The following WDR11 variants were observed in gnomAD, a reference collection of about 807,000 sequenced individuals.
WDR11 encodes WD repeat-containing protein 11.
In WDR11, 83 loss-of-function variants were observed where a neutral mutation model predicts 151.2. The observed-to-expected ratio is 0.55, with a 90% CI of 0.46 to 0.66. WDR11 has a LOEUF of 0.66. Ranked by LOEUF, WDR11 falls within the 30% of genes least tolerant of loss-of-function variation. The probability of loss-of-function intolerance (pLI) is 0.00; values close to 1 mark genes in which losing one functional copy is unlikely to be tolerated. For synonymous variants in WDR11, 484 were observed against 533.1 expected (o/e 0.91, Z 1.27); for missense variants, 1,301 against 1,480.9 (o/e 0.88, Z 1.99).
intron 1 of WDR11, chr10:120,851,964 C>T (rs1845791510): frequency 4.3e-6 from 1 of 235,026 alleles, no homozygotes; most frequent in Non-Finnish European, 8.4e-6. Flanking sequence ...CACCTCTTTT[C>T]GGGCTCCTCC....
Position 120,866,417 on chromosome 10 carries a change from T to TTA in WDR11, c.995-151_995-150dup, listed in dbSNP as rs1247216786. On this transcript the variant is annotated intron_variant, in intron 7 of 28. Transcript: ENST00000263461. The stretch of plus-strand genomic sequence containing the variant: ...TAAGTAAATTATATTTGGAAAAAAT[T>TTA]TAGTAGTAATTGTAAAAAGTGAAGC... 5 of 788,678 alleles carry TTA rather than the reference T, an allele frequency of 6.3e-6. No individual in the cohort carries two copies. The African/African-American group carries it at 8.7e-5, about 14-fold the overall frequency. 48.9% of individuals were successfully genotyped at this position (788,678 alleles called of 1,614,324 possible).
Position 120,908,856 on chromosome 10 carries a change from CCAAAAGCA to C in WDR11, c.*146_*153del. The C allele has an allele frequency of 2.3e-6, 2 of 855,416 alleles. No individual in the cohort carries two copies. The highest frequency in any genetic ancestry group is 3.8e-6 in the Non-Finnish European group (2 of 521,586). The allele number at this position is 855,416 out of a possible 1,614,324, so 53.0% of individuals were successfully genotyped here. On this transcript the variant is annotated 3_prime_UTR_variant, in exon 29 of 29. Coordinates refer to ENST00000263461, the MANE Select transcript of WDR11 (RefSeq NM_018117.12). ...ACCACTGTTCTAAGACTATGTGTGC[CCAAAAGCA>C]CATAAGCATCTATGTTGAGAGTAAG...
At position 120,871,021 on chromosome 10, in the gene WDR11, G is replaced by T. The variant is rs180930515; in HGVS notation, c.1295-149G>T. The T allele has an allele frequency of 9.1e-4, 707 of 776,072 alleles. 7 individuals are homozygous for T. Among genetic ancestry groups the T allele is most frequent in the South Asian group, 5.4e-3 (305 of 56,324 alleles). The allele number at this position is 776,072 out of a possible 1,614,324, so 48.1% of individuals were successfully genotyped here. A position where few individuals can be genotyped will look rare whatever the true frequency, so the allele number is the denominator to read the frequency against. On this transcript the variant is annotated intron_variant, in intron 9 of 28. Transcript: ENST00000263461. ...TCCTATAGCCAGGTACAGAGTCATTGTGTCCTTAATAACTACAGCCACTAA... is the reference window on the plus strand; with the variant it reads ...TCCTATAGCCAGGTACAGAGTCATTTTGTCCTTAATAACTACAGCCACTAA...
In WDR11 at chr10:120,908,427, C is replaced by T. The variant is rs78898484; in HGVS notation, c.3518-129C>T. ...TCTCCTGTGTTCATCCTGTGCTGCCCGCTGTGGACACCAGGTCCCTTCCGA... is the reference window on the plus strand; with the variant it reads ...TCTCCTGTGTTCATCCTGTGCTGCCTGCTGTGGACACCAGGTCCCTTCCGA... On this transcript the variant is annotated intron_variant, in intron 28 of 28. Transcript: ENST00000263461. 12,936 of 945,868 alleles carry T rather than the reference C, an allele frequency of 0.014. 152 individuals carry two copies. The highest frequency in any genetic ancestry group is 0.039 in the East Asian group (1,629 of 41,262). 58.6% of individuals were successfully genotyped at this position (945,868 alleles called of 1,614,324 possible). A position where few individuals can be genotyped will look rare whatever the true frequency, so the allele number is the denominator to read the frequency against.
In WDR11 at chr10:120,851,367, G is replaced by A; in HGVS notation, c.-54G>A. ...ACTCTGTTTGGAACGGAAGCACAGT[G>A]TCCGCCGCTTCCTGGTTGCGGGTCA... On this transcript the variant is annotated 5_prime_UTR_variant, in exon 1 of 29. Coordinates refer to ENST00000263461, the MANE Select transcript of WDR11 (RefSeq NM_018117.12). The A allele has an allele frequency of 6.6e-7, 1 of 1,526,542 alleles. No homozygotes were observed. The highest frequency in any genetic ancestry group is 8.9e-7 in the Non-Finnish European group (1 of 1,118,012). 94.6% of individuals were successfully genotyped at this position (1,526,542 alleles called of 1,614,324 possible). A position where few individuals can be genotyped will look rare whatever the true frequency, so the allele number is the denominator to read the frequency against.
intron 4 of WDR11, among the ~76,000 whole-genome samples, chr10:120,861,149 G>A (rs1846122671): frequency 6.6e-6 from 1 of 152,178 alleles, no homozygotes; most frequent in African/African-American, 2.4e-5. Flanking sequence ...AAGGAGGTAA[G>A]GGAATTAGCT....
At chr10:120,884,667 G>A (rs1402544254) in intron 14 of WDR11, among the ~76,000 whole-genome samples, 2 of 150,594 alleles carry the variant, frequency 1.3e-5, no homozygotes, top group African/African-American at 4.9e-5. Flanking sequence ...GTTTGATGAA[G>A]ATGTCAAAGT....
Position 120,864,502 on chromosome 10 carries a change from A to G in WDR11, c.714-545A>G, listed in dbSNP as rs1349505891. ...TTCACCTGTTTTATTTACACACAAG[A>G]AAATGCTGCAATATAAGTGAAACTT... On this transcript the variant is annotated intron_variant, in intron 5 of 28. Coordinates refer to ENST00000263461, the MANE Select transcript of WDR11 (RefSeq NM_018117.12). 3.3e-5 allele frequency among the ~76,000 whole-genome samples: 5 copies of G among 152,312 alleles called. No homozygotes were observed. The East Asian group carries it at 7.7e-4, about 24-fold the overall frequency.
chr10:120,900,543 A>C (rs964440977), intron 20 of WDR11, among the ~76,000 whole-genome samples: 2 of 152,240 alleles, frequency 1.3e-5, no homozygotes, highest in Non-Finnish European at 2.9e-5. Flanking sequence ...TTGCAAAAAA[A>C]TATTCACAGA....
Position 120,897,301 on chromosome 10 carries a change from C to A in WDR11, c.2516-2728C>A, listed in dbSNP as rs555993212. 2.0e-5 allele frequency among the ~76,000 whole-genome samples: 3 copies of A among 152,108 alleles called. No individual in the cohort carries two copies. In the South Asian group the frequency reaches 6.2e-4, roughly 32 times the overall value. On this transcript the variant is annotated intron_variant, in intron 19 of 28. Coordinates refer to ENST00000263461, the MANE Select transcript of WDR11 (RefSeq NM_018117.12). ...GATTAGAAAATCACCACTTTGCAGCCCCGATACAATAATTAATTGTATACA... is the reference window on the plus strand; with the variant it reads ...GATTAGAAAATCACCACTTTGCAGCACCGATACAATAATTAATTGTATACA...
rs760251439 is a variant in WDR11, at chr10:120,858,753, A to ATCCT, written c.309_310insTCCT (p.Val104SerfsTer6). The ATCCT allele has an allele frequency of 1.2e-6, 2 of 1,614,200 alleles. No homozygotes were observed. The highest frequency in any genetic ancestry group is 1.7e-6 in the Non-Finnish European group (2 of 1,180,038). ...TCATCGTCTGGGATGTAGCAGCAGGAGTAGCTCAGTGTGAGATCCAAGAGC... is the reference window on the plus strand; with the variant it reads ...TCATCGTCTGGGATGTAGCAGCAGGATCCTGTAGCTCAGTGTGAGATCCAAGAGC... On this transcript the variant is annotated frameshift_variant, in exon 3 of 29. Coordinates refer to ENST00000263461, the MANE Select transcript of WDR11 (RefSeq NM_018117.12). LOFTEE classifies it high-confidence loss of function.
chr10:120,904,488 G>A (rs972920363), intron 24 of WDR11, among the ~76,000 whole-genome samples, 158 bp from the exon 25 acceptor site: 6 of 152,172 alleles, frequency 3.9e-5, no homozygotes, highest in Non-Finnish European at 8.8e-5. Context: ...CAAAAAAGTA[G>A]TGTAGCACCT....
intron 1 of WDR11, chr10:120,851,816 C>G: frequency 2.0e-6 from 1 of 489,644 alleles, no homozygotes. Flanking sequence ...TTCCAGGCTT[C>G]TCTCTCTCCA....
chr10:120,902,406 T>C, intron 22 of WDR11, 84 bp downstream of exon 22: 1 of 1,186,838 alleles, frequency 8.4e-7, no homozygotes, highest in East Asian at 2.4e-5. Flanking sequence ...TAGAAACACT[T>C]AGATTTTAGA....
intron 27 of WDR11, 147 bp from the exon 28 acceptor site, chr10:120,906,629 A>AAACT: frequency 4.6e-6 from 7 of 1,513,404 alleles, no homozygotes; most frequent in Non-Finnish European, 6.2e-6. Flanking sequence ...TTTTTTCAAC[A>AAACT]AACTAGGGCT....
At position 120,903,136 on chromosome 10, in the gene WDR11, C is replaced by T; in HGVS notation, c.2835C>T (p.Ala945=). 6.2e-7 allele frequency: 1 copy of T among 1,614,162 alleles called. No individual in the cohort carries two copies. The highest frequency in any genetic ancestry group is 8.5e-7 in the Non-Finnish European group (1 of 1,180,028). The change falls in exon 23 of 29, where the codon GCC becomes GCT. Residue 945 remains alanine (A), a synonymous_variant. Transcript: ENST00000263461. ...ACAGCTTATCCCAGGAAAAGTCAGC[C>T]AGCACAACAGCTCCTAAAGAAGCTG... is the stretch of plus-strand genomic sequence containing the variant. ...YLHSLSQEKS[A]STTAPKEAAP... is the part of the protein sequence containing the mutation.
rs1848055125 is a variant in WDR11 at position 120,906,556 on chromosome 10, AC to A, written c.3438-219del. 2.1e-6 allele frequency: 3 copies of A among 1,405,638 alleles called. No individual in the cohort carries two copies. In the Admixed American group the frequency reaches 8.6e-5, roughly 40 times the overall value. The allele number at this position is 1,405,638 out of a possible 1,614,324, so 87.1% of individuals were successfully genotyped here. A position where few individuals can be genotyped will look rare whatever the true frequency, so the allele number is the denominator to read the frequency against. On this transcript the variant is annotated intron_variant, in intron 27 of 28. Transcript: ENST00000263461. Reference sequence around the variant, plus strand: ...GATTTTTGTGTATTTAAACTATTTCACAATTTTTTAAAGTATTAATTTTAAA... The same window carrying A: ...GATTTTTGTGTATTTAAACTATTTCAAATTTTTTAAAGTATTAATTTTAAA...
intron 16 of WDR11, among the ~76,000 whole-genome samples, chr10:120,888,694 T>A (rs925592237): frequency 2.0e-5 from 3 of 152,242 alleles, no homozygotes; most frequent in Non-Finnish European, 4.4e-5. Context: ...TAAGTTTCCC[T>A]TGGAATGGAT....
At chr10:120,892,258 G>A (rs369143345) in intron 19 of WDR11, among the ~76,000 whole-genome samples, 9 of 152,130 alleles carry the variant, frequency 5.9e-5, no homozygotes, top group African/African-American at 2.2e-4. Context: ...TCTGGCCTGT[G>A]GCCAGATTTT....
Sources: allele counts gnomAD v4.1 joint callset (sites outside exome capture counted in the v4.1 genomes callset), GRCh38; gene constraint gnomAD v4.1.1; transcripts MANE v1.5; gene names NCBI Gene and HGNC (gene_info 2026-07-23, HGNC 2026-07-21).